KCNJ6: variants seen among roughly 807,000 people sequenced by gnomAD.
KCNJ6 encodes G protein-activated inward rectifier potassium channel 2.
In KCNJ6, 9 loss-of-function variants were observed where a neutral mutation model predicts 34.2. The ratio of observed to expected loss-of-function variants is 0.26; its 90% CI spans 0.16 to 0.46. The LOEUF (loss-of-function observed/expected upper bound fraction) is 0.46, where lower values mean the gene tolerates loss of function less well. Among genes scored for constraint, KCNJ6 ranks in the 20% least tolerant of loss-of-function variants. The pLI is 1.00. For synonymous variants in KCNJ6, 196 were observed against 207.1 expected, an observed-to-expected ratio of 0.95 and a Z score of 0.46; for missense variants, 236 against 531.3, an observed-to-expected ratio of 0.44 and a Z score of 5.46.
At chr21:37,726,933 T>A (rs2054857960) in intron 2 of KCNJ6, among the ~76,000 whole-genome samples, 1 of 152,062 alleles carries the variant, frequency 6.6e-6, no homozygotes. Flanking sequence ...GGAAATAGGG[T>A]CTTTGCAGAT....
intron 3 of KCNJ6, among the ~76,000 whole-genome samples, chr21:37,698,680 C>T (rs527316207): frequency 1.6e-4 from 24 of 150,620 alleles, no homozygotes; most frequent in Middle Eastern, 6.9e-3. Flanking sequence ...CACAAACGAG[C>T]GCCACCATGC....
intron 1 of KCNJ6, among the ~76,000 whole-genome samples, chr21:37,914,008 G>GT (rs1555855560): frequency 7.4e-6 from 1 of 135,480 alleles, no homozygotes; most frequent in Non-Finnish European, 1.6e-5. Flanking sequence ...GGCGGATCGG[G>GT]GTGTGTGTGT....
At chr21:37,785,288 T>G (rs938103590) in intron 2 of KCNJ6, among the ~76,000 whole-genome samples, 2 of 152,216 alleles carry the variant, frequency 1.3e-5, no homozygotes, top group Admixed American at 1.3e-4. Flanking sequence ...CTTCCACAAG[T>G]GAGTTCTGAG....
intron 2 of KCNJ6, among the ~76,000 whole-genome samples, chr21:37,715,621 G>A (rs747061255): frequency 2.0e-5 from 3 of 152,236 alleles, no homozygotes; most frequent in Non-Finnish European, 4.4e-5. Context: ...AACCCCTAAG[G>A]TGACAGTATT....
intron 2 of KCNJ6, among the ~76,000 whole-genome samples, chr21:37,727,495 G>C (rs183822243): frequency 6.6e-6 from 1 of 152,094 alleles, no homozygotes; most frequent in East Asian, 1.9e-4. Flanking sequence ...GTGTGCATGT[G>C]TGCACATGTG....
intron 3 of KCNJ6, among the ~76,000 whole-genome samples, chr21:37,651,195 G>T (rs2054431546): frequency 6.6e-6 from 1 of 152,216 alleles, no homozygotes; most frequent in African/African-American, 2.4e-5. Context: ...CTACAGGGGG[G>T]TGGACAGAGA....
chr21:37,795,734 CAA>C (rs751299050), intron 2 of KCNJ6, among the ~76,000 whole-genome samples: 1 of 62,850 alleles, frequency 1.6e-5, no homozygotes, highest in Non-Finnish European at 3.3e-5. Context: ...AACTCCGTCT[CAA>C]AAAAAAAAAA....
At chr21:37,830,046 C>CAGGA (rs770624169) in intron 2 of KCNJ6, among the ~76,000 whole-genome samples, 25 of 152,356 alleles carry the variant, frequency 1.6e-4, no homozygotes, top group Admixed American at 1.4e-3. Flanking sequence ...CTTTCCTGCT[C>CAGGA]TCCTGTGTCT....
At chr21:37,741,845 G>A (rs1239912850) in intron 2 of KCNJ6, among the ~76,000 whole-genome samples, 3 of 152,254 alleles carry the variant, frequency 2.0e-5, no homozygotes, top group South Asian at 4.2e-4. Context: ...CTTTCCTCAT[G>A]GTCCCTCTTT....
chr21:37,717,467 T>C (rs768692848), intron 2 of KCNJ6, among the ~76,000 whole-genome samples: 1 of 151,898 alleles, frequency 6.6e-6, no homozygotes, highest in Non-Finnish European at 1.5e-5. Context: ...TCCTTCTCAC[T>C]GGAGGTGGGT....
chr21:37,643,017 C>A (rs1322349350), intron 3 of KCNJ6, among the ~76,000 whole-genome samples: 1 of 152,048 alleles, frequency 6.6e-6, no homozygotes, highest in East Asian at 1.9e-4. Flanking sequence ...ACAGACAGAC[C>A]TCCAAGTTTT....
chr21:37,873,117 G>A (rs1290384686), intron 1 of KCNJ6, among the ~76,000 whole-genome samples: 2 of 152,060 alleles, frequency 1.3e-5, no homozygotes, highest in African/African-American at 4.8e-5. Context: ...TCTCCTGCTG[G>A]GCTGAAGGTG....
At chr21:37,758,567 C>A (rs2055043382) in intron 2 of KCNJ6, among the ~76,000 whole-genome samples, 1 of 152,194 alleles carries the variant, frequency 6.6e-6, no homozygotes, top group African/African-American at 2.4e-5. Flanking sequence ...CCCGTCAACT[C>A]TTATGAGCCA....
intron 3 of KCNJ6, among the ~76,000 whole-genome samples, chr21:37,709,705 G>A (rs944158039): frequency 1.3e-5 from 2 of 152,150 alleles, no homozygotes; most frequent in African/African-American, 4.8e-5. Context: ...GCCAAGTCAC[G>A]GGTCTTGTTG....
intron 3 of KCNJ6, among the ~76,000 whole-genome samples, chr21:37,682,304 T>G (rs2054594197): frequency 6.6e-6 from 1 of 152,212 alleles, no homozygotes; most frequent in Admixed American, 6.5e-5. Context: ...GGGAGTAGTG[T>G]TAGCACGTAG....
chr21:37,855,993 G>A (rs1230576199), intron 1 of KCNJ6, among the ~76,000 whole-genome samples: 1 of 152,178 alleles, frequency 6.6e-6, no homozygotes, highest in African/African-American at 2.4e-5. Flanking sequence ...GAGAGGGGGT[G>A]GAAGCAGGAT....
At chr21:37,709,682 C>T (rs2054741015) in intron 3 of KCNJ6, among the ~76,000 whole-genome samples, 1 of 152,178 alleles carries the variant, frequency 6.6e-6, no homozygotes, top group South Asian at 2.1e-4. Flanking sequence ...CTGCTAGTGG[C>T]TATTTGACCT....
At chr21:37,780,899 GT>G (rs1194910312) in intron 2 of KCNJ6, among the ~76,000 whole-genome samples, 6 of 152,048 alleles carry the variant, frequency 3.9e-5, no homozygotes, top group Non-Finnish European at 8.8e-5. Context: ...AAAATATAAA[GT>G]TTATTAATTA....
At chr21:37,912,562 A>G (rs909391199) in intron 1 of KCNJ6, among the ~76,000 whole-genome samples, 9 of 152,228 alleles carry the variant, frequency 5.9e-5, no homozygotes, top group African/African-American at 2.2e-4. Flanking sequence ...ATAATGTCAG[A>G]TGGAACAAGG....
Sources: allele counts gnomAD v4.1 joint callset (sites outside exome capture counted in the v4.1 genomes callset), GRCh38; gene constraint gnomAD v4.1.1; transcripts MANE v1.5; gene names NCBI Gene and HGNC (gene_info 2026-07-23, HGNC 2026-07-21).